MYO5A: variants seen among roughly 807,000 people sequenced by gnomAD.
The protein encoded by MYO5A is unconventional myosin-Va.
MYO5A carries 98 observed loss-of-function variants against 249.7 expected under a neutral mutation model. The ratio of observed to expected loss-of-function variants is 0.39; its 90% CI spans 0.33 to 0.46. MYO5A has a LOEUF of 0.46. Ranked by LOEUF, MYO5A falls within the 20% of genes least tolerant of loss-of-function variation. The pLI is 0.98. For synonymous variants in MYO5A, 778 were observed against 810.6 expected, an observed-to-expected ratio of 0.96 and a Z score of 0.68; for missense variants, 1,696 against 2,308.8, an observed-to-expected ratio of 0.73 and a Z score of 5.44.
intron 1 of MYO5A, among the ~76,000 whole-genome samples, chr15:52,443,584 G>A (rs1018612465): frequency 2.0e-4 from 30 of 151,370 alleles, no homozygotes; most frequent in African/African-American, 7.0e-4. Flanking sequence ...GGTGGTGGGT[G>A]CCTGTAATCC....
chr15:52,351,159 T>G, intron 28 of MYO5A, 95 bp downstream of exon 28: 2 of 930,966 alleles, frequency 2.1e-6, no homozygotes, highest in Non-Finnish European at 3.4e-6. Context: ...AAAAATGCTC[T>G]TAAGTGTTTG....
intron 5 of MYO5A, among the ~76,000 whole-genome samples, chr15:52,414,881 C>T (rs2043408140): frequency 1.3e-5 from 2 of 152,346 alleles, no homozygotes; most frequent in East Asian, 3.9e-4. Context: ...TTTCACTACT[C>T]TCTTTCGGTG....
chr15:52,345,799 A>G (rs529402922), intron 30 of MYO5A, among the ~76,000 whole-genome samples: 1 of 152,302 alleles, frequency 6.6e-6, no homozygotes, highest in Admixed American at 6.5e-5. Flanking sequence ...GAAACTATCC[A>G]TCAAGAGCCC....
At chr15:52,323,492 C>T in intron 36 of MYO5A, 48 bp from the exon 37 acceptor site, 1 of 1,434,636 alleles carries the variant, frequency 7.0e-7, no homozygotes, top group Non-Finnish European at 9.8e-7. Context: ...AGGGAAATAA[C>T]AACCTAAAAA....
At chr15:52,400,988 T>C (rs2042728356) in intron 9 of MYO5A, among the ~76,000 whole-genome samples, 3 of 152,142 alleles carry the variant, frequency 2.0e-5, no homozygotes, top group African/African-American at 7.2e-5. Flanking sequence ...CTAACTGGGA[T>C]CACTTTCCTT....
chr15:52,321,199 G>C lies in MYO5A; in HGVS notation c.4951+160C>G, dbSNP rs1457942606. 3.3e-5 allele frequency among the ~76,000 whole-genome samples: 5 copies of C among 152,150 alleles called. No individual in the cohort carries two copies. The East Asian group carries it at 9.6e-4, about 29-fold the overall frequency. ...TTTCGATGTATCCCAGTTAACTATG[G>C]CTGGGTTTCTGGGATTCCTCGGCTA... On this transcript the variant is annotated intron_variant, in intron 38 of 41. Transcript: ENST00000399233.
intron 25 of MYO5A, among the ~76,000 whole-genome samples, chr15:52,357,228 T>A (rs961079430): frequency 5.3e-5 from 8 of 152,108 alleles, no homozygotes; most frequent in Non-Finnish European, 7.4e-5. Context: ...TATATTTTAA[T>A]GTTTGTTCAT....
chr15:52,497,166 G>A (rs1595793680), intron 1 of MYO5A, among the ~76,000 whole-genome samples: 2 of 152,080 alleles, frequency 1.3e-5, no homozygotes, highest in East Asian at 3.9e-4. Context: ...TTTGCCATGT[G>A]GCCTAGGCTG....
rs547489173 is a variant in MYO5A, at chr15:52,408,868, T to C, written c.757-728A>G. ...GTTTGATGCCCACAGGGGGCTGATGTCTGGAAAAGAAAACCTATTATAGGG... is the reference window on the plus strand; with the variant it reads ...GTTTGATGCCCACAGGGGGCTGATGCCTGGAAAAGAAAACCTATTATAGGG... On this transcript the variant is annotated intron_variant, in intron 6 of 41. Transcript: ENST00000399233. Among the ~76,000 whole-genome samples, 10 of 152,300 alleles carry C rather than the reference T, an allele frequency of 6.6e-5. No individual in the cohort carries two copies. In the South Asian group the frequency reaches 1.9e-3, roughly 28 times the overall value.
intron 18 of MYO5A, 35 bp from the exon 19 acceptor site, chr15:52,376,593 T>A (rs2041427261): frequency 6.4e-7 from 1 of 1,563,088 alleles, no homozygotes; most frequent in Non-Finnish European, 8.8e-7. Context: ...TCAGAAATAA[T>A]AATCATATAA....
intron 1 of MYO5A, among the ~76,000 whole-genome samples, chr15:52,472,502 G>C (rs2076496733): frequency 6.6e-6 from 1 of 151,964 alleles, no homozygotes; most frequent in African/African-American, 2.4e-5. Flanking sequence ...CCATTAACTT[G>C]TCATTTACAT....
Position 52,319,074 on chromosome 15 carries a change from T to C in MYO5A, c.5220A>G (p.Lys1740=), listed in dbSNP as rs1313855915. ...CATTTGCTCACCTGATCTGCATGCCTTTACTCCAGGAGCACATGTCCTTCC... is the reference window on the plus strand; with the variant it reads ...CATTTGCTCACCTGATCTGCATGCCCTTACTCCAGGAGCACATGTCCTTCC... The part of the protein sequence containing the change: ...LLRKDMCSWS[K]GMQIRYNVSQ... Residue 1740 remains lysine, a synonymous_variant, in exon 39 of 42, where the codon AAA becomes AAG. Coordinates refer to ENST00000399233, the MANE Select transcript of MYO5A (RefSeq NM_001382347.1). 1 of 1,614,180 alleles carries C rather than the reference T, an allele frequency of 6.2e-7. No individual in the cohort carries two copies. Among genetic ancestry groups the C allele is most frequent in the East Asian group, 2.2e-5 (1 of 44,886 alleles).
At chr15:52,509,325 A>C (rs1289481005) in intron 1 of MYO5A, among the ~76,000 whole-genome samples, 1 of 152,162 alleles carries the variant, frequency 6.6e-6, no homozygotes, top group Non-Finnish European at 1.5e-5. Context: ...ATTGGGTTGG[A>C]AAACCAAGAT....
intron 1 of MYO5A, among the ~76,000 whole-genome samples, chr15:52,445,297 T>G (rs1344449408): frequency 6.6e-6 from 1 of 152,156 alleles, no homozygotes; most frequent in Non-Finnish European, 1.5e-5. Context: ...TTTTGCCATG[T>G]GATGTGTCTG....
intron 1 of MYO5A, among the ~76,000 whole-genome samples, chr15:52,495,647 C>T (rs1301791171): frequency 6.6e-6 from 1 of 151,782 alleles, no homozygotes; most frequent in Non-Finnish European, 1.5e-5. Flanking sequence ...TTGTAAGCCA[C>T]AAATATATAC....
intron 20 of MYO5A, 40 bp downstream of exon 20, chr15:52,375,264 C>T (rs2041349033): frequency 1.9e-6 from 3 of 1,608,118 alleles, no homozygotes; most frequent in Non-Finnish European, 2.6e-6. Context: ...TTGGTTAATG[C>T]TAATAGAATG....
At chr15:52,380,723 C>T (rs771752903) in intron 16 of MYO5A, among the ~76,000 whole-genome samples, 3 of 152,152 alleles carry the variant, frequency 2.0e-5, no homozygotes, top group Non-Finnish European at 4.4e-5. Flanking sequence ...GCCGAGACCA[C>T]GCCATTGCAT....
At chr15:52,485,999 G>A (rs990436726) in intron 1 of MYO5A, among the ~76,000 whole-genome samples, 1 of 152,192 alleles carries the variant, frequency 6.6e-6, no homozygotes, top group African/African-American at 2.4e-5. Flanking sequence ...TGAGGGCACA[G>A]TTCTGAAACC....
chr15:52,463,374 T>C (rs1302917108), intron 1 of MYO5A, among the ~76,000 whole-genome samples: 1 of 152,204 alleles, frequency 6.6e-6, no homozygotes, highest in African/African-American at 2.4e-5. Context: ...TTTTCAGTTA[T>C]ATTAAAAAAC....
Sources: allele counts gnomAD v4.1 joint callset (sites outside exome capture counted in the v4.1 genomes callset), GRCh38; gene constraint gnomAD v4.1.1; transcripts MANE v1.5; gene names NCBI Gene and HGNC (gene_info 2026-07-23, HGNC 2026-07-21).